The following ACTG2 variants were observed in gnomAD, a reference collection of about 807,000 sequenced individuals.
ACTG2 encodes actin gamma 2, smooth muscle, also known as actin, gamma-enteric smooth muscle.
Under a neutral mutation model 37.6 loss-of-function variants are expected in ACTG2, and 16 were observed. That is an observed-to-expected ratio of 0.43 (90% confidence interval 0.29 to 0.65). The LOEUF (loss-of-function observed/expected upper bound fraction) is 0.65. Ranked by LOEUF, ACTG2 falls within the 30% of genes least tolerant of loss-of-function variation. The probability of loss-of-function intolerance (pLI) is 0.18; values close to 1 mark genes in which losing one functional copy is unlikely to be tolerated. For missense variants in ACTG2, 238 were observed against 490.9 expected, an observed-to-expected ratio of 0.48 and a Z score of 4.87; for synonymous variants, 181 against 179.9, an observed-to-expected ratio of 1.01 and a Z score of -0.05.
chr2:73,914,950 CAG>C, intron 7 of ACTG2, 79 bp downstream of exon 7: 1 of 1,252,950 alleles, frequency 8.0e-7, no homozygotes, highest in Middle Eastern at 2.1e-4. Flanking sequence ...AGAGAAACAC[CAG>C]GAGTCATGGC....
intron 3 of ACTG2, among the ~76,000 whole-genome samples, chr2:73,906,518 T>C (rs1431811869): frequency 1.3e-5 from 2 of 152,064 alleles, no homozygotes; most frequent in Non-Finnish European, 2.9e-5. Context: ...TCTTCCTCTG[T>C]CGCCCAGGCC....
chr2:73,896,966 C>A (rs1050258603), intron 1 of ACTG2: 1 of 152,400 alleles, frequency 6.6e-6, no homozygotes. Context: ...AGAATTTCTC[C>A]TGGCAGAGAT....
chr2:73,900,816 G>T (rs146456933), intron 1 of ACTG2, among the ~76,000 whole-genome samples: 31 of 152,232 alleles, frequency 2.0e-4, no homozygotes, highest in African/African-American at 7.2e-4. Context: ...TAATCAGTTT[G>T]CTAGGTGTCC....
intron 5 of ACTG2, among the ~76,000 whole-genome samples, chr2:73,912,101 GATGGAGAAATGC>G (rs1680151504): frequency 6.6e-6 from 1 of 152,240 alleles, no homozygotes; most frequent in African/African-American, 2.4e-5. Context: ...TAAGGACAAT[GATGGAGAAATGC>G]ATGGCATATA....
intron 5 of ACTG2, among the ~76,000 whole-genome samples, chr2:73,910,237 T>C (rs145823362): frequency 7.1e-4 from 106 of 149,880 alleles, no homozygotes; most frequent in African/African-American, 2.5e-3. Flanking sequence ...TATATATATA[T>C]TATTCTTTCT....
At chr2:73,897,437 C>A (rs184804281) in intron 1 of ACTG2, 36 of 152,454 alleles carry the variant, frequency 2.4e-4, no homozygotes, top group African/African-American at 8.4e-4. Context: ...GGTGGACCAC[C>A]TGCTAGAACA....
chr2:73,908,747 C>T lies in ACTG2; in HGVS notation c.330C>T (p.Pro110=), dbSNP rs1228602126. 3 of 1,614,074 alleles carry T rather than the reference C, an allele frequency of 1.9e-6. No homozygotes were observed. The Admixed American group carries it at 5.0e-5, about 27-fold the overall frequency. ...EEHPTLLTEA[P]LNPKANREKM... ...ACCCCACCCTGCTCACAGAGGCTCC[C>T]CTAAATCCCAAGGCCAACAGGGAAA... Residue 110 remains proline (P), a synonymous_variant, in exon 4 of 9, where the codon CCC becomes CCT. Coordinates refer to ENST00000345517, the MANE Select transcript of ACTG2 (RefSeq NM_001615.4).
chr2:73,917,866 G>A (rs540377844), intron 8 of ACTG2, among the ~76,000 whole-genome samples: 1 of 152,150 alleles, frequency 6.6e-6, no homozygotes, highest in East Asian at 1.9e-4. Flanking sequence ...CCAGGCCTGG[G>A]GCAGGGGCTT....
intron 5 of ACTG2, among the ~76,000 whole-genome samples, chr2:73,909,448 G>T (rs1394363424): frequency 6.6e-6 from 1 of 152,182 alleles, no homozygotes; most frequent in Non-Finnish European, 1.5e-5. Context: ...AGAACCTGTG[G>T]TGGTGGAAAT....
chr2:73,904,222 C>T (rs1679955231), intron 3 of ACTG2, among the ~76,000 whole-genome samples: 1 of 119,600 alleles, frequency 8.4e-6, no homozygotes, highest in Non-Finnish European at 1.6e-5. Flanking sequence ...GCACTCCAGC[C>T]TGGGTGATAG....
intron 3 of ACTG2, among the ~76,000 whole-genome samples, chr2:73,904,777 GTATATATATATATATATATA>G (rs199782884): frequency 0.23 from 9,683 of 42,670 alleles, 479 homozygotes; most frequent in Middle Eastern, 0.35. Flanking sequence ...GTGTGTGTGT[GTATATATATATATATATATA>G]TATATATATA....
chr2:73,916,341 C>T (rs1400284742), intron 7 of ACTG2, among the ~76,000 whole-genome samples: 2 of 150,428 alleles, frequency 1.3e-5, no homozygotes, highest in East Asian at 2.0e-4. Context: ...CGCCACTGCA[C>T]TCCAGCCTGG....
chr2:73,903,961 A>C (rs1241790294), intron 3 of ACTG2, among the ~76,000 whole-genome samples: 2 of 34,192 alleles, frequency 5.8e-5, no homozygotes, highest in Admixed American at 5.2e-4. Context: ...AAAAAAAAAC[A>C]AAAAAAAAAC....
chr2:73,919,759 C>T lies in ACTG2; in HGVS notation c.*184C>T, dbSNP rs779755533. On this transcript the variant is annotated 3_prime_UTR_variant, in exon 9 of 9. Transcript: ENST00000345517. Reference sequence around the variant, plus strand: ...ATGCAATAGTGCTGTAAGGTAGGTGCTATCATTATACCCATATTACAGATG... The same window carrying T: ...ATGCAATAGTGCTGTAAGGTAGGTGTTATCATTATACCCATATTACAGATG... The T allele has an allele frequency of 5.2e-6, 3 of 571,612 alleles. No homozygotes were observed. Among genetic ancestry groups the T allele is most frequent in the Non-Finnish European group, 8.6e-6 (3 of 348,588 alleles). 35.4% of individuals were successfully genotyped at this position (571,612 alleles called of 1,614,324 possible). A position where few individuals can be genotyped will look rare whatever the true frequency, so the allele number is the denominator to read the frequency against.
At chr2:73,908,846 C>G (rs754798245) in intron 4 of ACTG2, 63 bp downstream of exon 4, 1 of 1,421,092 alleles carries the variant, frequency 7.0e-7, no homozygotes, top group Non-Finnish European at 9.9e-7. Flanking sequence ...TGGCCAGATA[C>G]TTTCTCCCCT....
intron 1 of ACTG2, among the ~76,000 whole-genome samples, chr2:73,894,032 G>T (rs763906825): frequency 1.3e-5 from 2 of 152,138 alleles, no homozygotes; most frequent in Admixed American, 1.3e-4. Context: ...TCTACTTGGC[G>T]ATGGTGTGAG....
At position 73,919,496 on chromosome 2, in the gene ACTG2, C is replaced by G; in HGVS notation, c.1052C>G (p.Ser351Cys). The G allele has an allele frequency of 6.2e-7, 1 of 1,614,204 alleles. No individual in the cohort carries two copies. The highest frequency in any genetic ancestry group is 8.5e-7 in the Non-Finnish European group (1 of 1,180,024). Reference protein sequence around the residue: ...WIGGSILASLSTFQQMWISKP... With the variant: ...WIGGSILASLCTFQQMWISKP... ...GGGGGCTCTATCCTGGCCTCTCTCT[C>G]CACCTTCCAGCAGATGTGGATCAGC... Residue 351 changes from serine (S) to cysteine (C), a missense_variant, in exon 9 of 9, where the codon TCC (serine) becomes TGC (cysteine). Transcript: ENST00000345517.
intron 3 of ACTG2, chr2:73,903,113 G>A (rs1653254): frequency 0.54 from 93,475 of 172,400 alleles, 26,220 homozygotes; most frequent in Admixed American, 0.65. Flanking sequence ...TATTGTGGGG[G>A]GAGCGGGATT....
rs1426901216 is a variant in ACTG2, at chr2:73,899,439, G to A, written c.-36-1837G>A. On this transcript the variant is annotated intron_variant, in intron 1 of 8. Transcript: ENST00000345517. ...TTCTTGCCACTGTACTGCAGCTTGG[G>A]TGACAGAGCAAGACCCCATCTCAAA... Among the ~76,000 whole-genome samples the A allele has an allele frequency of 2.0e-5, 3 of 152,178 alleles. No individual in the cohort carries two copies. In the East Asian group the frequency reaches 5.8e-4, roughly 29 times the overall value.
Sources: gnomAD v4.1 joint callset for allele counts (sites outside exome capture counted in the v4.1 genomes callset) on GRCh38, gnomAD v4.1.1 for gene constraint, MANE v1.5 for transcripts, NCBI Gene and HGNC (gene_info 2026-07-23, HGNC 2026-07-21) for gene names.